MTMR4: variants seen among roughly 807,000 people sequenced by gnomAD.
The protein encoded by MTMR4 is myotubularin related protein 4.
In MTMR4, 30 loss-of-function variants were observed where a neutral mutation model predicts 125.5. That is an observed-to-expected ratio of 0.24 (90% CI 0.18 to 0.32). The LOEUF (loss-of-function observed/expected upper bound fraction) is 0.32. MTMR4 is among the 10% of genes least tolerant of loss of function. The pLI, the probability that MTMR4 is intolerant of heterozygous loss-of-function variation, is 1.00. For synonymous variants in MTMR4, 498 were observed against 564.5 expected (o/e 0.88, Z 1.67); for missense variants, 1,039 against 1,511.5 (o/e 0.69, Z 5.18).
intron 9 of MTMR4, among the ~76,000 whole-genome samples, 154 bp from the exon 10 acceptor site, chr17:58,505,737 A>G (rs4793591): frequency 0.38 from 57,875 of 151,948 alleles, 11,300 homozygotes; most frequent in East Asian, 0.51. Context: ...GTGAAACCCC[A>G]TCTCTACTAA....
rs747962287 is a variant in MTMR4 at position 58,508,421 on chromosome 17, C to T, written c.593+47G>A. ...GTGCCCACCACACTTTATCCAAACA[C>T]GGAAGTAGTTTGGTGTGGAAGGTGT... On this transcript the variant is annotated intron_variant, in intron 6 of 17. Transcript: ENST00000682306. This position sits in a 1 kb window ranked among gnomAD's most constrained non-coding sequence, Gnocchi z 4.8. The T allele has an allele frequency of 3.8e-6, 6 of 1,586,880 alleles. No homozygotes were observed. Among genetic ancestry groups the T allele is most frequent in the East Asian group, 2.2e-5 (1 of 44,718 alleles).
intron 14 of MTMR4, 87 bp downstream of exon 14, chr17:58,503,657 A>T (rs1179388185): frequency 1.4e-6 from 2 of 1,454,012 alleles, no homozygotes; most frequent in Non-Finnish European, 1.8e-6. Context: ...CTCAAAAAAA[A>T]GAAAGAAAGA....
rs759408312 is a variant in MTMR4, at chr17:58,503,873, C to T, written c.1724G>A (p.Arg575Gln). 1.6e-5 allele frequency: 26 copies of T among 1,613,878 alleles called. No individual in the cohort carries two copies. In the East Asian group the frequency reaches 3.6e-4, roughly 22 times the overall value. The change falls in exon 14 of 18, where the codon CGG (arginine) becomes CAG (glutamine). Residue 575 changes from arginine to glutamine, a missense_variant. This residue lies in a region of MTMR4 where 619 missense variants were observed against 714.5 expected (regional missense o/e 0.87). Transcript: ENST00000682306. The stretch of plus-strand genomic sequence containing the variant: ...AACAGCTGTCCAGAGGTGCAGGGCC[C>T]GGACATGACAAACAGGATGCAGGAC... ...DMVLHPVCHV[R>Q]ALHLWTAVYL...
rs1249165493 is a variant in MTMR4 at position 58,505,468 on chromosome 17, C to T, written c.1145+4G>A. On this transcript the variant is annotated splice_donor_region_variant and intron_variant, in intron 10 of 17. Coordinates refer to ENST00000682306, the MANE Select transcript of MTMR4 (RefSeq NM_001378067.1). ...TGGAAGGAATCCAAGTAGGGAACAC[C>T]TACTTGCTAGGATCCGGCATCTGGC... is the stretch of plus-strand genomic sequence containing the variant. 2 of 1,607,526 alleles carry T rather than the reference C, an allele frequency of 1.2e-6. No individual in the cohort carries two copies. The highest frequency in any genetic ancestry group is 1.1e-5 in the South Asian group (1 of 90,942).
upstream of MTMR4, among the ~76,000 whole-genome samples, chr17:58,518,226 G>T (rs1289731636): frequency 1.3e-5 from 2 of 152,240 alleles, no homozygotes; most frequent in African/African-American, 4.8e-5. Context: ...AGTGGAGGCG[G>T]CTCGTCGCCT....
chr17:58,501,897 A>T (rs1975644281), intron 14 of MTMR4, among the ~76,000 whole-genome samples: 1 of 151,948 alleles, frequency 6.6e-6, no homozygotes. Flanking sequence ...CGTCTCTACT[A>T]CAAATACAAA....
intron 7 of MTMR4, among the ~76,000 whole-genome samples, chr17:58,507,735 G>A (rs1015717293): frequency 5.3e-4 from 81 of 152,142 alleles, no homozygotes; most frequent in African/African-American, 1.8e-3. Flanking sequence ...TTGGCCTTGT[G>A]GGTCACAACC....
rs1207166460 is a variant in MTMR4, at chr17:58,492,896, A to G, written c.3309T>C (p.Ser1103=). 1 of 1,614,126 alleles carries G rather than the reference A, an allele frequency of 6.2e-7. No homozygotes were observed. The highest frequency in any genetic ancestry group is 1.3e-5 in the African/African-American group (1 of 74,952). Residue 1103 remains serine (S), a synonymous_variant, in exon 16 of 18, where the codon AGT becomes AGC. Coordinates refer to ENST00000682306, the MANE Select transcript of MTMR4 (RefSeq NM_001378067.1). ...SDTEDFGSDH[S]EDCLSEASWE... is the part of the protein sequence containing the mutation. ...AGCTTGCTTCTGAAAGGCAGTCTTCACTGTGATCAGAGCCAAAATCCTCAG... is the reference window on the plus strand; with the variant it reads ...AGCTTGCTTCTGAAAGGCAGTCTTCGCTGTGATCAGAGCCAAAATCCTCAG...
rs1975724302 is a variant in MTMR4, at chr17:58,504,410, C to G, written c.1420G>C (p.Val474Leu). The change falls in exon 12 of 18, where the codon GTG becomes CTG. Residue 474 changes from valine to leucine, a missense_variant. Val to Leu is a conservative substitution (Grantham distance 32). Transcript: ENST00000682306. This position sits in a 1 kb window ranked among gnomAD's most constrained non-coding sequence, Gnocchi z 7.1. ...GGGCATTGTTCGTTTTGGTCCTCCACATTCTCTTGGTGGCCACAGCGATCT... is the reference window on the plus strand; with the variant it reads ...GGGCATTGTTCGTTTTGGTCCTCCAGATTCTCTTGGTGGCCACAGCGATCT... Reference protein sequence around the residue: ...FGDRCGHQENVEDQNEQCPVF... With the variant: ...FGDRCGHQENLEDQNEQCPVF... 6.2e-7 allele frequency: 1 copy of G among 1,614,038 alleles called. No homozygotes were observed. Among genetic ancestry groups the G allele is most frequent in the Non-Finnish European group, 8.5e-7 (1 of 1,180,030 alleles).
At chr17:58,502,272 C>T (rs1040044200) in intron 14 of MTMR4, among the ~76,000 whole-genome samples, 4 of 150,824 alleles carry the variant, frequency 2.7e-5, no homozygotes, top group Admixed American at 1.3e-4. Flanking sequence ...ATTCTTATGC[C>T]TCAGCCTCCT....
intron 9 of MTMR4, among the ~76,000 whole-genome samples, chr17:58,506,244 A>G (rs865890423): frequency 1.3e-5 from 2 of 152,182 alleles, no homozygotes; most frequent in Non-Finnish European, 2.9e-5. Flanking sequence ...GTGCAGTGGC[A>G]TGATATCAGC....
chr17:58,507,889 ATG>A, intron 7 of MTMR4: 1 of 332,070 alleles, frequency 3.0e-6, no homozygotes, highest in South Asian at 3.6e-5. Flanking sequence ...CCCTGTACTA[ATG>A]TGTGTATAAA....
Position 58,508,038 on chromosome 17 carries a change from T to C in MTMR4, c.707+123A>G. The C allele has an allele frequency of 1.5e-6, 1 of 669,932 alleles. No homozygotes were observed. Among genetic ancestry groups the C allele is most frequent in the East Asian group, 2.7e-5 (1 of 37,392 alleles). 41.5% of individuals were successfully genotyped at this position (669,932 alleles called of 1,614,324 possible). A position where few individuals can be genotyped will look rare whatever the true frequency, so the allele number is the denominator to read the frequency against. On this transcript the variant is annotated intron_variant, in intron 7 of 17. Coordinates refer to ENST00000682306, the MANE Select transcript of MTMR4 (RefSeq NM_001378067.1). This position sits in a 1 kb window ranked among gnomAD's most constrained non-coding sequence, Gnocchi z 4.8. ...ACTAAGATAGTTTTTGTTTTAAAGT[T>C]ATTTCATACTTCCCCATAGAGTGTC...
Position 58,492,937 on chromosome 17 carries a change from A to T in MTMR4, c.3268T>A (p.Ser1090Thr). The part of the protein sequence containing the change: ...YEDDFTCLKE[S>T]DGSDTEDFGS... ...AAATCCTCAGTATCACTGCCATCTG[A>T]CTCCTTCAAACATGTCTGATGAAAA... The change falls in exon 16 of 18, where the codon TCA becomes ACA. Residue 1090 changes from serine to threonine, a missense_variant. This residue lies in a region of MTMR4 where 619 missense variants were observed against 714.5 expected (regional missense o/e 0.87). Coordinates refer to ENST00000682306, the MANE Select transcript of MTMR4 (RefSeq NM_001378067.1). 1 of 1,613,964 alleles carries T rather than the reference A, an allele frequency of 6.2e-7. No homozygotes were observed. Among genetic ancestry groups the T allele is most frequent in the African/African-American group, 1.3e-5 (1 of 74,992 alleles).
rs1270668268 is a variant in MTMR4 at position 58,508,991 on chromosome 17, G to A, written c.336-150C>T. 9.3e-6 allele frequency: 7 copies of A among 753,058 alleles called. No homozygotes were observed. The highest frequency in any genetic ancestry group is 3.9e-4 in the Middle Eastern group (1 of 2,572). 46.6% of individuals were successfully genotyped at this position (753,058 alleles called of 1,614,324 possible). On this transcript the variant is annotated intron_variant, in intron 4 of 17. Transcript: ENST00000682306. The surrounding 1 kb of genome is among the most constrained non-coding windows in gnomAD (Gnocchi z 4.8). ...CAGTGGGGACCCAGGGTGGGGGGAC[G>A]AGGGACACTGGCCAACACCCAACAG...
chr17:58,508,808 C>T lies in MTMR4; in HGVS notation c.369G>A (p.Glu123=), dbSNP rs1975849640. 1 of 1,614,180 alleles carries T rather than the reference C, an allele frequency of 6.2e-7. No individual in the cohort carries two copies. Among genetic ancestry groups the T allele is most frequent in the South Asian group, 1.1e-5 (1 of 91,088 alleles). The change falls in exon 5 of 18, where the codon GAG becomes GAA. Residue 123 remains glutamate (E), a synonymous_variant. Transcript: ENST00000682306. This position sits in a 1 kb window ranked among gnomAD's most constrained non-coding sequence, Gnocchi z 4.8. ...CHFSTFKQCQ[E]WLSRLSRATA... ...TGGCTCGGCTTAGCCGTGAGAGCCA[C>T]TCTTGGCACTGCTTAAAAGTGGAGA...
chr17:58,503,995 T>C, intron 13 of MTMR4, 55 bp downstream of exon 13: 3 of 1,543,052 alleles, frequency 1.9e-6, no homozygotes, highest in Non-Finnish European at 2.6e-6. Flanking sequence ...CTGACTCAGC[T>C]GCTTCTCCCT....
Position 58,491,622 on chromosome 17 carries a change from C to A in MTMR4, c.*41G>T. ...CAAACTACAACTGAAGAAGATCCTC[C>A]CTTCAAACCTGCTAAAATTGGACAG... On this transcript the variant is annotated 3_prime_UTR_variant, in exon 18 of 18. Coordinates refer to ENST00000682306, the MANE Select transcript of MTMR4 (RefSeq NM_001378067.1). 1.3e-6 allele frequency: 2 copies of A among 1,579,154 alleles called. No homozygotes were observed. Among genetic ancestry groups the A allele is most frequent in the Non-Finnish European group, 1.7e-6 (2 of 1,155,684 alleles).
At chr17:58,496,458 T>G (rs1347492289) in intron 14 of MTMR4, 128 bp from the exon 15 acceptor site, 2 of 758,258 alleles carry the variant, frequency 2.6e-6, no homozygotes, top group Non-Finnish European at 4.1e-6. Context: ...ACACTTAAGT[T>G]TAGAAATAAG....
Sources: allele counts gnomAD v4.1 joint callset (sites outside exome capture counted in the v4.1 genomes callset), GRCh38; gene constraint gnomAD v4.1.1; regional missense constraint gnomAD v4.1.1; non-coding constraint Gnocchi (gnomAD v3.1); transcripts MANE v1.5; gene names NCBI Gene and HGNC (gene_info 2026-07-23, HGNC 2026-07-21).